The following FHIT variants were observed in gnomAD, a reference collection of about 807,000 sequenced individuals.
FHIT encodes the protein bis(5'-adenosyl)-triphosphatase.
A neutral mutation model predicts 17.9 loss-of-function variants in FHIT; 19 were observed. That is an observed-to-expected ratio of 1.06 (90% CI 0.74 to 1.56). FHIT has a LOEUF of 1.56. FHIT is among the 40% of genes most tolerant of loss of function. The probability of loss-of-function intolerance (pLI) is 0.00; values close to 1 mark genes in which losing one functional copy is unlikely to be tolerated. For synonymous variants in FHIT, 81 were observed against 69.7 expected (o/e 1.16, Z -0.81); for missense variants, 248 against 189.2 (o/e 1.31, Z -1.82).
At chr3:60,181,269 C>A (rs1701921641) in intron 5 of FHIT, among the ~76,000 whole-genome samples, 1 of 151,856 alleles carries the variant, frequency 6.6e-6, no homozygotes, top group South Asian at 2.1e-4. Flanking sequence ...CCTCAGCCTC[C>A]CAAGTAGCTG....
At chr3:61,250,114 A>G (rs944692047) in intron 1 of FHIT, among the ~76,000 whole-genome samples, 2 of 152,224 alleles carry the variant, frequency 1.3e-5, no homozygotes, top group African/African-American at 4.8e-5. Context: ...GCTGCTCTAC[A>G]GAACGGCTAG....
chr3:59,922,704 C>T (rs1559733780), intron 7 of FHIT, among the ~76,000 whole-genome samples: 1 of 152,028 alleles, frequency 6.6e-6, no homozygotes, highest in Non-Finnish European at 1.5e-5. Flanking sequence ...TGTAGTTAGC[C>T]AGTGCTTTGA....
intron 5 of FHIT, among the ~76,000 whole-genome samples, chr3:60,403,751 T>C (rs778715592): frequency 3.0e-4 from 45 of 152,176 alleles, no homozygotes; most frequent in Non-Finnish European, 5.7e-4. Flanking sequence ...TCCAATCATA[T>C]TTCTATATGG....
chr3:60,530,910 A>T (rs1382041739), intron 5 of FHIT, among the ~76,000 whole-genome samples: 1 of 152,204 alleles, frequency 6.6e-6, no homozygotes, highest in Non-Finnish European at 1.5e-5. Context: ...GTACTCTAAT[A>T]ACCCAAGGGT....
intron 5 of FHIT, among the ~76,000 whole-genome samples, chr3:60,046,130 T>C (rs969579375): frequency 1.3e-5 from 2 of 152,222 alleles, no homozygotes; most frequent in Admixed American, 1.3e-4. Flanking sequence ...GGGTCATATG[T>C]GTAAAACGAA....
rs2041464774 is a variant in FHIT at position 60,709,599 on chromosome 3, G to A, written c.-18+112320C>T. Among the ~76,000 whole-genome samples the A allele has an allele frequency of 2.0e-5, 3 of 152,088 alleles. No homozygotes were observed. The South Asian group carries it at 6.2e-4, about 31-fold the overall frequency. On this transcript the variant is annotated intron_variant, in intron 4 of 9. Transcript: ENST00000492590. ...ATTTTGTAACAGTGCACATTGCTCT[G>A]GACAAAAATAGTGGTTCATTGGATT...
rs1031094763 is a variant in FHIT at position 60,932,540 on chromosome 3, T to G, written c.-111+109507A>C. On this transcript the variant is annotated intron_variant, in intron 3 of 9. Transcript: ENST00000492590. The stretch of plus-strand genomic sequence containing the variant: ...CATTTCCTCTCTCCTCCCCTCACAC[T>G]GCACAACTGAGACTTTTGACAAGTG... Among the ~76,000 whole-genome samples the G allele has an allele frequency of 1.2e-4, 19 of 152,310 alleles. No individual in the cohort carries two copies. The South Asian group carries it at 2.1e-3, about 17-fold the overall frequency.
chr3:60,005,280 C>G (rs9311744), intron 7 of FHIT, among the ~76,000 whole-genome samples: 1,612 of 151,336 alleles, frequency 0.011, 40 homozygotes, highest in African/African-American at 0.037. Flanking sequence ...TGGTATCATG[C>G]AAATCAAAGT....
At chr3:60,503,492 G>A (rs576403784) in intron 5 of FHIT, among the ~76,000 whole-genome samples, 3 of 152,092 alleles carry the variant, frequency 2.0e-5, no homozygotes, top group African/African-American at 4.8e-5. Context: ...TACTGAGTGT[G>A]TATGCATGTA....
At chr3:60,522,415 CA>C (rs2035406963) in intron 5 of FHIT, among the ~76,000 whole-genome samples, 1 of 152,160 alleles carries the variant, frequency 6.6e-6, no homozygotes, top group Non-Finnish European at 1.5e-5. Context: ...CAGCCAGAAA[CA>C]ACCATAATTT....
intron 5 of FHIT, among the ~76,000 whole-genome samples, chr3:60,423,417 T>TG (rs1559901373): frequency 6.6e-6 from 1 of 152,110 alleles, no homozygotes; most frequent in Non-Finnish European, 1.5e-5. Context: ...TGAGAAACAG[T>TG]GCTTTCTCAA....
intron 4 of FHIT, among the ~76,000 whole-genome samples, chr3:60,645,071 TC>T (rs1211137926): frequency 6.6e-6 from 1 of 151,858 alleles, no homozygotes; most frequent in African/African-American, 2.4e-5. Context: ...TGGCCAGGGA[TC>T]CCCCATCCCA....
At chr3:61,046,529 C>T (rs1260804011) in intron 2 of FHIT, among the ~76,000 whole-genome samples, 1 of 152,146 alleles carries the variant, frequency 6.6e-6, no homozygotes, top group Admixed American at 6.5e-5. Flanking sequence ...GTCCAGGACC[C>T]AGATGGATTC....
intron 5 of FHIT, among the ~76,000 whole-genome samples, chr3:60,123,723 C>T (rs567755268): frequency 6.6e-6 from 1 of 151,826 alleles, no homozygotes; most frequent in South Asian, 2.1e-4. Context: ...TTTCTCTAAT[C>T]ATGAGAGAAC....
intron 4 of FHIT, among the ~76,000 whole-genome samples, chr3:60,663,670 C>T (rs2040315538): frequency 6.6e-6 from 1 of 152,124 alleles, no homozygotes; most frequent in African/African-American, 2.4e-5. Context: ...CTCTTGACCT[C>T]AGCCTCTCAA....
chr3:60,448,591 C>T (rs951796455), intron 5 of FHIT, among the ~76,000 whole-genome samples: 2 of 152,092 alleles, frequency 1.3e-5, no homozygotes, highest in African/African-American at 4.8e-5. Context: ...AGGTAGTAAG[C>T]AGAGAGAGAC....
chr3:61,202,863 C>A (rs2039071879), intron 1 of FHIT, among the ~76,000 whole-genome samples: 2 of 152,084 alleles, frequency 1.3e-5, no homozygotes, highest in Admixed American at 1.3e-4. Context: ...ACCAGCCTGG[C>A]CAACGTGGTG....
At chr3:60,397,731 G>A (rs1701504303) in intron 5 of FHIT, among the ~76,000 whole-genome samples, 1 of 152,160 alleles carries the variant, frequency 6.6e-6, no homozygotes, top group South Asian at 2.1e-4. Flanking sequence ...TTTAAAGCCT[G>A]AAAACCAAGC....
At chr3:61,243,970 A>G (rs983413454) in intron 1 of FHIT, 3 of 152,132 alleles carry the variant, frequency 2.0e-5, no homozygotes, top group African/African-American at 4.8e-5. Flanking sequence ...CTTTCTAGAT[A>G]TTTCATTCCC....
Sources: allele counts gnomAD v4.1 joint callset (sites outside exome capture counted in the v4.1 genomes callset), GRCh38; gene constraint gnomAD v4.1.1; transcripts MANE v1.5; gene names NCBI Gene and HGNC (gene_info 2026-07-23, HGNC 2026-07-21).